RNF24: variants seen among roughly 807,000 people sequenced by gnomAD.
RNF24 encodes ring finger protein 24.
RNF24 carries 14 observed loss-of-function variants against 20.0 expected under a neutral mutation model. The observed-to-expected ratio is 0.70, with a 90% CI of 0.46 to 1.10. The LOEUF is 1.10. Among genes scored for constraint, RNF24 ranks in the 50% least tolerant of loss-of-function variants. The pLI is 0.00. For missense variants in RNF24, 124 were observed against 177.6 expected (o/e 0.70, Z 1.71); for synonymous variants, 45 against 61.1 (o/e 0.74, Z 1.23).
chr20:3,986,240 C>T (rs1015758099), intron 1 of RNF24, among the ~76,000 whole-genome samples: 1 of 151,946 alleles, frequency 6.6e-6, no homozygotes, highest in African/African-American at 2.4e-5. Flanking sequence ...CTCCTTCCTT[C>T]CTTTTCCTCC....
At chr20:3,984,096 G>A (rs147611401) in intron 1 of RNF24, among the ~76,000 whole-genome samples, 2 of 152,042 alleles carry the variant, frequency 1.3e-5, no homozygotes, top group Non-Finnish European at 2.9e-5. Context: ...CAGGCAAGGT[G>A]GGGTACACCT....
chr20:3,974,769 A>C (rs1853076875), intron 1 of RNF24, among the ~76,000 whole-genome samples: 2 of 152,208 alleles, frequency 1.3e-5, no homozygotes, highest in Non-Finnish European at 2.9e-5. Flanking sequence ...TAAAATCTAA[A>C]TAAATGCAGA....
intron 1 of RNF24, among the ~76,000 whole-genome samples, chr20:3,982,578 CAAA>C (rs755663389): frequency 2.9e-5 from 3 of 104,978 alleles, no homozygotes; most frequent in African/African-American, 4.1e-5. Flanking sequence ...GACTCTGTCT[CAAA>C]AAAAAAAAAA....
At chr20:4,011,203 T>C (rs1982433477) in intron 1 of RNF24, among the ~76,000 whole-genome samples, 1 of 152,228 alleles carries the variant, frequency 6.6e-6, no homozygotes, top group East Asian at 1.9e-4. Context: ...TGGAAGCTAA[T>C]GGAACAATGT....
rs1461723516 is a variant in RNF24, at chr20:4,015,464, G to A, written c.-35C>T. On this transcript the variant is annotated 5_prime_UTR_variant, in exon 1 of 6. It adds an upstream start codon to the 5' untranslated region. Transcript: ENST00000358395. The stretch of plus-strand genomic sequence containing the variant: ...GGGCGCGCCGGTGGCAGCGGCAGAC[G>A]TGCGGGACCGTCAGCGCCCTGCGGC... 1 of 151,346 alleles carries A rather than the reference G, an allele frequency of 6.6e-6. No individual in the cohort carries two copies. Among genetic ancestry groups the A allele is most frequent in the Non-Finnish European group, 1.5e-5 (1 of 67,784 alleles). The allele number at this position is 151,346 out of a possible 1,614,324, so 9.4% of individuals were successfully genotyped here.
intron 2 of RNF24, among the ~76,000 whole-genome samples, chr20:3,959,937 A>G (rs965061193): frequency 6.6e-6 from 1 of 152,250 alleles, no homozygotes; most frequent in Non-Finnish European, 1.5e-5. Context: ...AAAAATATGA[A>G]CAAACATAAA....
intron 1 of RNF24, among the ~76,000 whole-genome samples, chr20:3,989,888 T>A (rs1980282070): frequency 6.6e-6 from 1 of 152,184 alleles, no homozygotes; most frequent in South Asian, 2.1e-4. Flanking sequence ...GAAGGAAAAT[T>A]CTTGTTATAA....
At chr20:3,978,959 AGCCAGGCGCGGTG>A (rs964038486) in intron 1 of RNF24, among the ~76,000 whole-genome samples, 1 of 151,900 alleles carries the variant, frequency 6.6e-6, no homozygotes, top group Non-Finnish European at 1.5e-5. Flanking sequence ...TACAAACATT[AGCCAGGCGCGGTG>A]GCGTGCGCCT....
chr20:4,002,771 C>G (rs1345135732), intron 1 of RNF24, among the ~76,000 whole-genome samples: 1 of 152,194 alleles, frequency 6.6e-6, no homozygotes, highest in South Asian at 2.1e-4. Context: ...AGATAAAATA[C>G]AGTTTTTATA....
chr20:3,969,835 A>C (rs1164861520), intron 1 of RNF24, among the ~76,000 whole-genome samples: 1 of 143,788 alleles, frequency 7.0e-6, no homozygotes, highest in Non-Finnish European at 1.5e-5. Flanking sequence ...CAGTGGTGTG[A>C]TCTTGGCTCA....
At chr20:3,950,131 A>C (rs2091064951) in intron 2 of RNF24, among the ~76,000 whole-genome samples, 1 of 148,018 alleles carries the variant, frequency 6.8e-6, no homozygotes, top group Non-Finnish European at 1.5e-5. Context: ...ATTCTGCTCC[A>C]TTGGTCTATT....
intron 4 of RNF24, among the ~76,000 whole-genome samples, chr20:3,942,143 C>T (rs2090963856): frequency 6.6e-6 from 1 of 150,748 alleles, no homozygotes; most frequent in Non-Finnish European, 1.5e-5. Context: ...CAAAAGGAAG[C>T]TGGAATGGCT....
At chr20:4,009,364 T>G (rs756469290) in intron 1 of RNF24, among the ~76,000 whole-genome samples, 5 of 152,178 alleles carry the variant, frequency 3.3e-5, no homozygotes, top group Non-Finnish European at 5.9e-5. Context: ...CTGACATGGA[T>G]AGCCCCCTGG....
chr20:3,975,844 C>G (rs1978822559), intron 1 of RNF24, among the ~76,000 whole-genome samples: 2 of 151,990 alleles, frequency 1.3e-5, no homozygotes, highest in South Asian at 4.2e-4. Flanking sequence ...AATCCTTTCT[C>G]AGAGCCCTCA....
chr20:3,989,509 A>C (rs1188372474), intron 1 of RNF24, among the ~76,000 whole-genome samples: 2 of 152,166 alleles, frequency 1.3e-5, no homozygotes, highest in Non-Finnish European at 2.9e-5. Flanking sequence ...AAAATAAAAA[A>C]AGAAAAACCT....
intron 2 of RNF24, 97 bp downstream of exon 2, chr20:3,963,778 A>T: frequency 2.8e-6 from 3 of 1,056,004 alleles, no homozygotes; most frequent in Middle Eastern, 3.0e-4. Context: ...AAAATTTGCC[A>T]ATTATCATAC....
intron 1 of RNF24, among the ~76,000 whole-genome samples, chr20:4,003,999 A>G (rs1415261577): frequency 2.0e-5 from 3 of 152,164 alleles, no homozygotes; most frequent in African/African-American, 7.2e-5. Context: ...ACCAAGTACA[A>G]ATTCATCAGC....
intron 4 of RNF24, among the ~76,000 whole-genome samples, chr20:3,935,350 TG>T (rs962628813): frequency 6.6e-6 from 1 of 152,116 alleles, no homozygotes; most frequent in Non-Finnish European, 1.5e-5. Flanking sequence ...ATCAGAAGTG[TG>T]GGACCGAGGG....
At chr20:4,003,697 C>T (rs1353205111) in intron 1 of RNF24, among the ~76,000 whole-genome samples, 1 of 118,260 alleles carries the variant, frequency 8.5e-6, no homozygotes, top group Non-Finnish European at 1.6e-5. Context: ...GGATGGAGTG[C>T]AATGGCGTGA....
Sources: allele counts gnomAD v4.1 joint callset (sites outside exome capture counted in the v4.1 genomes callset), GRCh38; gene constraint gnomAD v4.1.1; transcripts MANE v1.5; gene names NCBI Gene and HGNC (gene_info 2026-07-23, HGNC 2026-07-21).